Variants in PIK3C2B observed in about 807,000 individuals in gnomAD.
PIK3C2B encodes the protein phosphatidylinositol-4-phosphate 3-kinase catalytic subunit type 2 beta, also known as phosphatidylinositol 4-phosphate 3-kinase C2 domain-containing subunit beta.
In PIK3C2B, 83 loss-of-function variants were observed where a neutral mutation model predicts 184.3. That is an observed-to-expected ratio of 0.45 (90% confidence interval 0.38 to 0.54). The LOEUF is 0.54. Ranked by LOEUF, PIK3C2B falls within the 20% of genes least tolerant of loss-of-function variation. The pLI is 0.00. For missense variants in PIK3C2B, 1,736 were observed against 2,113.5 expected (o/e 0.82, Z 3.50); for synonymous variants, 779 against 837.6 (o/e 0.93, Z 1.21).
chr1:204,430,415 G>A (rs1674982955), intron 28 of PIK3C2B, among the ~76,000 whole-genome samples: 4 of 151,348 alleles, frequency 2.6e-5, no homozygotes, highest in South Asian at 2.1e-4. Flanking sequence ...GCGCAATCTC[G>A]GCTCACTGCA....
intron 1 of PIK3C2B, among the ~76,000 whole-genome samples, chr1:204,475,491 G>A (rs962673950): frequency 1.3e-5 from 2 of 152,148 alleles, no homozygotes; most frequent in African/African-American, 4.8e-5. Flanking sequence ...TGGGAGGTGG[G>A]GAATTTTCAG....
chr1:204,452,731 T>C (rs1400682993), intron 12 of PIK3C2B, among the ~76,000 whole-genome samples: 3 of 146,672 alleles, frequency 2.0e-5, no homozygotes, highest in Non-Finnish European at 4.5e-5. Flanking sequence ...CATGGCTCAC[T>C]GCAGCCTCGA....
At chr1:204,439,218 C>A in intron 22 of PIK3C2B, 147 bp from the exon 23 acceptor site, 1 of 792,152 alleles carries the variant, frequency 1.3e-6, no homozygotes, top group Non-Finnish European at 1.9e-6. Flanking sequence ...AGAGAATAAC[C>A]ATAGAAAGGA....
At chr1:204,459,815 G>T (rs1204533360) in intron 8 of PIK3C2B, 63 bp downstream of exon 8, 4 of 1,343,148 alleles carry the variant, frequency 3.0e-6, no homozygotes, top group Admixed American at 3.4e-5. Context: ...ATCCCAGGAG[G>T]ACTGAGGAAG....
chr1:204,445,982 C>G lies in PIK3C2B; in HGVS notation c.2652G>C (p.Gln884His). 6.4e-7 allele frequency: 1 copy of G among 1,558,264 alleles called. No individual in the cohort carries two copies. The highest frequency in any genetic ancestry group is 8.7e-7 in the Non-Finnish European group (1 of 1,146,374). Residue 884 changes from glutamine (Q) to histidine (H), a missense_variant, in exon 16 of 33, where the codon CAG becomes CAC. Gln to His is a conservative substitution (Grantham distance 24, BLOSUM62 0). Around this residue, in one of 8 missense-constraint regions of PIK3C2B, gnomAD observed 609 missense variants for 699.2 expected, o/e 0.87. Coordinates refer to ENST00000684373, the MANE Select transcript of PIK3C2B (RefSeq NM_001377334.1). The part of the protein sequence containing the change: ...LLKQWTHMNH[Q>H]DALGLLHATF... ...TGGCATGCAGGAGCCCCAGGGCATC[C>G]TGGTGGTTCATGTGGGTCCACTGCT...
At chr1:204,429,502 G>A (rs1674925075) in intron 29 of PIK3C2B, among the ~76,000 whole-genome samples, 1 of 151,914 alleles carries the variant, frequency 6.6e-6, no homozygotes, top group Admixed American at 6.6e-5. Context: ...TGGACAATAG[G>A]GGCAGATGAT....
intron 1 of PIK3C2B, among the ~76,000 whole-genome samples, chr1:204,478,030 C>G (rs1161941652): frequency 2.0e-5 from 3 of 152,076 alleles, no homozygotes; most frequent in Non-Finnish European, 4.4e-5. Context: ...GAAGAATATG[C>G]AGGGTTTCAA....
chr1:204,432,123 G>A, intron 27 of PIK3C2B, 77 bp downstream of exon 27: 3 of 1,320,146 alleles, frequency 2.3e-6, no homozygotes, highest in South Asian at 2.4e-5. Context: ...CTGTGCAAGT[G>A]TGGAAAAAGT....
chr1:204,439,318 T>C (rs185359342), intron 22 of PIK3C2B, among the ~76,000 whole-genome samples: 28 of 152,338 alleles, frequency 1.8e-4, no homozygotes, highest in Middle Eastern at 6.8e-3. Flanking sequence ...GCTTTTACTA[T>C]GGGAATTTGA....
chr1:204,454,040 G>A (rs886292293), intron 12 of PIK3C2B, among the ~76,000 whole-genome samples: 1 of 151,782 alleles, frequency 6.6e-6, no homozygotes, highest in Non-Finnish European at 1.5e-5. Context: ...CTCCCAAAGC[G>A]CTGGGATTAC....
At chr1:204,437,830 C>T (rs956808043) in intron 23 of PIK3C2B, among the ~76,000 whole-genome samples, 1 of 152,108 alleles carries the variant, frequency 6.6e-6, no homozygotes, top group Non-Finnish European at 1.5e-5. Context: ...TTGCCTACAC[C>T]GAGTTTGAGA....
chr1:204,472,662 C>A (rs1255436718), intron 1 of PIK3C2B, among the ~76,000 whole-genome samples: 2 of 151,856 alleles, frequency 1.3e-5, no homozygotes, highest in East Asian at 2.0e-4. Context: ...CGTCTATAAT[C>A]CCAGCTACTC....
chr1:204,457,441 T>G (rs186202496), intron 9 of PIK3C2B, among the ~76,000 whole-genome samples: 1 of 152,320 alleles, frequency 6.6e-6, no homozygotes, highest in African/African-American at 2.4e-5. Flanking sequence ...CTGATGGATA[T>G]GCAGACTGTC....
chr1:204,439,639 T>G (rs1166993420), intron 22 of PIK3C2B, among the ~76,000 whole-genome samples: 1 of 151,928 alleles, frequency 6.6e-6, no homozygotes, highest in Non-Finnish European at 1.5e-5. Flanking sequence ...TCTCTCTCTC[T>G]ATATATATAT....
intron 5 of PIK3C2B, 29 bp downstream of exon 5, chr1:204,463,983 C>G: frequency 6.2e-7 from 1 of 1,609,750 alleles, no homozygotes; most frequent in Non-Finnish European, 8.5e-7. Flanking sequence ...ACCAGGAAGG[C>G]AGGGGCTACC....
intron 1 of PIK3C2B, 35 bp from the exon 2 acceptor site, chr1:204,469,921 A>T: frequency 1.6e-6 from 1 of 642,164 alleles, no homozygotes; most frequent in Non-Finnish European, 2.8e-6. Context: ...AATCAGTCAC[A>T]AAGAGAGATT....
intron 26 of PIK3C2B, 71 bp from the exon 27 acceptor site, chr1:204,432,472 A>G: frequency 8.3e-7 from 1 of 1,209,836 alleles, no homozygotes; most frequent in South Asian, 1.3e-5. Flanking sequence ...GGGGTGTTCC[A>G]AGGAATATTC....
chr1:204,440,109 G>C (rs1197720116), intron 22 of PIK3C2B, 83 bp downstream of exon 22: 1 of 1,402,448 alleles, frequency 7.1e-7, no homozygotes, highest in Non-Finnish European at 9.8e-7. Context: ...CCTGGAGGAG[G>C]ACACAGTTTG....
In PIK3C2B at chr1:204,469,773, G is replaced by A; in HGVS notation, c.30C>T (p.His10=). MSSTQGNGE[H]WKSLESVGIS... The stretch of plus-strand genomic sequence containing the variant: ...TGCCCACTGACTCCAGGGACTTCCA[G>A]TGTTCCCCATTGCCCTGAGTCGAAG... The change falls in exon 2 of 33, where the codon CAC becomes CAT. Residue 10 remains histidine, a synonymous_variant. Coordinates refer to ENST00000684373, the MANE Select transcript of PIK3C2B (RefSeq NM_001377334.1). 6.2e-7 allele frequency: 1 copy of A among 1,613,912 alleles called. No homozygotes were observed. The highest frequency in any genetic ancestry group is 8.5e-7 in the Non-Finnish European group (1 of 1,179,856).
Sources: allele counts gnomAD v4.1 joint callset (sites outside exome capture counted in the v4.1 genomes callset), GRCh38; gene constraint gnomAD v4.1.1; regional missense constraint gnomAD v4.1.1; transcripts MANE v1.5; gene names NCBI Gene and HGNC (gene_info 2026-07-23, HGNC 2026-07-21).